The following CDH11 variants were observed in gnomAD, a reference collection of about 807,000 sequenced individuals.
CDH11 encodes the protein cadherin 11.
Under a neutral mutation model 67.8 loss-of-function variants are expected in CDH11, and 11 were observed. The observed-to-expected ratio is 0.16, with a 90% CI of 0.10 to 0.27. CDH11 has a LOEUF of 0.27. CDH11 is among the 10% of genes least tolerant of loss of function. The pLI is 1.00. For missense variants in CDH11, 847 were observed against 1,031.2 expected, an observed-to-expected ratio of 0.82 and a Z score of 2.45; for synonymous variants, 419 against 400.0, an observed-to-expected ratio of 1.05 and a Z score of -0.57.
chr16:65,084,462 GAAAA>G (rs1316800648), intron 1 of CDH11, among the ~76,000 whole-genome samples: 1 of 150,822 alleles, frequency 6.6e-6, no homozygotes, highest in Admixed American at 6.6e-5. Flanking sequence ...CTGTCAAAAA[GAAAA>G]AGAAAAAGAA....
intron 3 of CDH11, among the ~76,000 whole-genome samples, chr16:65,002,864 A>G (rs935615374): frequency 6.6e-5 from 10 of 151,084 alleles, no homozygotes; most frequent in Non-Finnish European, 1.5e-4. Context: ...CCCAAATATT[A>G]CCATGTAAAT....
chr16:64,970,687 G>T (rs1006920036), intron 11 of CDH11, among the ~76,000 whole-genome samples: 1 of 152,148 alleles, frequency 6.6e-6, no homozygotes, highest in African/African-American at 2.4e-5. Flanking sequence ...GTTCTCAGTC[G>T]CAGGGAAAGC....
intron 2 of CDH11, among the ~76,000 whole-genome samples, chr16:65,035,112 C>A (rs558309579): frequency 2.8e-4 from 42 of 152,238 alleles, no homozygotes; most frequent in African/African-American, 9.1e-4. Context: ...GGGAACCCAG[C>A]GAGAGGAGGA....
intron 2 of CDH11, among the ~76,000 whole-genome samples, chr16:65,019,474 T>C (rs1251011521): frequency 6.6e-6 from 1 of 152,188 alleles, no homozygotes; most frequent in Non-Finnish European, 1.5e-5. Flanking sequence ...TCTTTTAATA[T>C]TACATGAAAA....
intron 1 of CDH11, among the ~76,000 whole-genome samples, chr16:65,099,731 G>A (rs1165161309): frequency 6.6e-6 from 1 of 152,146 alleles, no homozygotes; most frequent in African/African-American, 2.4e-5. Flanking sequence ...GATTATTTAA[G>A]TCCTTCATCC....
At chr16:65,101,737 C>T (rs748167984) in intron 1 of CDH11, among the ~76,000 whole-genome samples, 1 of 152,170 alleles carries the variant, frequency 6.6e-6, no homozygotes, top group Non-Finnish European at 1.5e-5. Context: ...ACATTTATCA[C>T]TACTAAAAAT....
chr16:65,025,802 G>T (rs1368749409), intron 2 of CDH11, among the ~76,000 whole-genome samples: 1 of 152,136 alleles, frequency 6.6e-6, no homozygotes, highest in African/African-American at 2.4e-5. Flanking sequence ...CAGGTACATA[G>T]GCATCCTTGT....
intron 3 of CDH11, among the ~76,000 whole-genome samples, chr16:65,003,260 T>C (rs965905446): frequency 1.4e-4 from 21 of 152,138 alleles, no homozygotes; most frequent in South Asian, 8.3e-4. Context: ...TTTATTTATT[T>C]ATTCATTCAT....
At chr16:65,046,142 A>T (rs1159772298) in intron 2 of CDH11, among the ~76,000 whole-genome samples, 1 of 152,188 alleles carries the variant, frequency 6.6e-6, no homozygotes, top group Admixed American at 6.5e-5. Context: ...AGGCGCTTTG[A>T]TCTTTCAAAG....
At chr16:65,043,468 G>A (rs574474637) in intron 2 of CDH11, among the ~76,000 whole-genome samples, 1 of 152,102 alleles carries the variant, frequency 6.6e-6, no homozygotes, top group African/African-American at 2.4e-5. Flanking sequence ...CACCCTGCAT[G>A]GTCATCTGGG....
At chr16:64,976,321 T>G (rs186953683) in intron 8 of CDH11, among the ~76,000 whole-genome samples, 87 of 152,104 alleles carry the variant, frequency 5.7e-4, no homozygotes, top group African/African-American at 2.0e-3. Context: ...CATAACAGGT[T>G]AGTGCCAAGA....
rs565000358 is a variant in CDH11, at chr16:65,081,437, C to T, written c.-297-27509G>A. 5.6e-4 allele frequency among the ~76,000 whole-genome samples: 85 copies of T among 152,120 alleles called. 1 individual carries two copies. Among genetic ancestry groups the T allele is most frequent in the African/African-American group, 1.9e-3 (78 of 41,512 alleles). On this transcript the variant is annotated intron_variant, in intron 1 of 12. Coordinates refer to ENST00000268603, the MANE Select transcript of CDH11 (RefSeq NM_001797.4). ...CAAAAAAATTAGCCGGGCATGGTGGCGGGCGCCTGTAGTCCCAGCTACGCG... is the reference window on the plus strand; with the variant it reads ...CAAAAAAATTAGCCGGGCATGGTGGTGGGCGCCTGTAGTCCCAGCTACGCG...
chr16:65,086,223 T>G (rs1312308727), intron 1 of CDH11, among the ~76,000 whole-genome samples: 1 of 152,232 alleles, frequency 6.6e-6, no homozygotes, highest in Non-Finnish European at 1.5e-5. Flanking sequence ...GTAACGTAGA[T>G]AATTTAAATA....
chr16:65,007,415 G>C (rs1033194944), intron 2 of CDH11, among the ~76,000 whole-genome samples: 1 of 152,160 alleles, frequency 6.6e-6, no homozygotes, highest in African/African-American at 2.4e-5. Flanking sequence ...AGATGGAAAA[G>C]GCAGCGTCAT....
intron 1 of CDH11, among the ~76,000 whole-genome samples, chr16:65,087,592 T>C (rs1055799852): frequency 6.6e-6 from 1 of 152,204 alleles, no homozygotes; most frequent in Admixed American, 6.5e-5. Flanking sequence ...AGGAGATTTA[T>C]GTAAATCAAC....
intron 1 of CDH11, 81 bp from the exon 2 acceptor site, chr16:65,054,009 A>G (rs947049085): frequency 3.4e-5 from 14 of 414,836 alleles, no homozygotes; most frequent in African/African-American, 2.0e-4. Flanking sequence ...ACAGTTGCAT[A>G]TGACAGACTT....
At chr16:64,949,646 G>C (rs1350949672) in intron 12 of CDH11, among the ~76,000 whole-genome samples, 1 of 151,888 alleles carries the variant, frequency 6.6e-6, no homozygotes, top group Non-Finnish European at 1.5e-5. Context: ...GGCTGGTCTT[G>C]AACTCCCAAC....
intron 5 of CDH11, among the ~76,000 whole-genome samples, chr16:64,992,648 C>G (rs559329659): frequency 3.3e-4 from 51 of 152,302 alleles, no homozygotes; most frequent in African/African-American, 1.2e-3. Context: ...TTATTGCTCT[C>G]TTACTTCTGA....
At chr16:65,117,146 T>A (rs925787307) in intron 1 of CDH11, among the ~76,000 whole-genome samples, 2 of 152,224 alleles carry the variant, frequency 1.3e-5, no homozygotes, top group Non-Finnish European at 1.5e-5. Context: ...TGTCTTACTT[T>A]CCACTGAGTT....
Sources: allele counts gnomAD v4.1 joint callset (sites outside exome capture counted in the v4.1 genomes callset), GRCh38; gene constraint gnomAD v4.1.1; transcripts MANE v1.5; gene names NCBI Gene and HGNC (gene_info 2026-07-23, HGNC 2026-07-21).